Variants in MYH9 observed in about 807,000 individuals in gnomAD.
MYH9 encodes the protein myosin-9.
In MYH9, 29 loss-of-function variants were observed where a neutral mutation model predicts 241.9. That is an observed-to-expected ratio of 0.12 (90% CI 0.09 to 0.16). The LOEUF (loss-of-function observed/expected upper bound fraction) is 0.16, where lower values mean the gene tolerates loss of function less well. Among genes scored for constraint, MYH9 ranks in the 10% least tolerant of loss-of-function variants. The probability of loss-of-function intolerance (pLI) is 1.00; values close to 1 mark genes in which losing one functional copy is unlikely to be tolerated. For synonymous variants in MYH9, 1,047 were observed against 1,062.6 expected (o/e 0.99, Z 0.29); for missense variants, 1,803 against 2,595.5 (o/e 0.69, Z 6.63).
At chr22:36,333,945 G>C (rs1358809186) in intron 3 of MYH9, among the ~76,000 whole-genome samples, 2 of 152,090 alleles carry the variant, frequency 1.3e-5, no homozygotes, top group Non-Finnish European at 1.5e-5. Context: ...TTTATTTCAG[G>C]GGATGGGGAG....
At chr22:36,322,900 C>T (rs191405935) in intron 5 of MYH9, among the ~76,000 whole-genome samples, 1 of 152,234 alleles carries the variant, frequency 6.6e-6, no homozygotes, top group South Asian at 2.1e-4. Flanking sequence ...ACCAGCTTCC[C>T]TCTACCTCCT....
chr22:36,291,062 G>T (rs1456491940), intron 31 of MYH9, among the ~76,000 whole-genome samples: 1 of 148,152 alleles, frequency 6.7e-6, no homozygotes, highest in African/African-American at 2.5e-5. Context: ...AGGTGGGGGG[G>T]TCAGCCCCCC....
intron 1 of MYH9, among the ~76,000 whole-genome samples, chr22:36,360,570 G>A (rs959395982): frequency 2.2e-4 from 34 of 151,958 alleles, no homozygotes; most frequent in Non-Finnish European, 4.0e-4. Flanking sequence ...AAAATTAGCC[G>A]GGCATGGTGG....
At chr22:36,313,004 C>T (rs543469164) in intron 13 of MYH9, among the ~76,000 whole-genome samples, 3 of 149,678 alleles carry the variant, frequency 2.0e-5, no homozygotes, top group East Asian at 2.0e-4. Context: ...GCAGGAGAAT[C>T]GCTTCAAACA....
At chr22:36,368,698 C>A (rs2018046608) in intron 1 of MYH9, among the ~76,000 whole-genome samples, 1 of 152,082 alleles carries the variant, frequency 6.6e-6, no homozygotes, top group Non-Finnish European at 1.5e-5. Context: ...CCCACCCTTA[C>A]CCCTCCCAGC....
chr22:36,367,787 C>T (rs1371014336), intron 1 of MYH9, among the ~76,000 whole-genome samples: 4 of 152,232 alleles, frequency 2.6e-5, no homozygotes, highest in South Asian at 4.1e-4. Context: ...GAAGCAGCAG[C>T]GGCCCCTGCT....
intron 39 of MYH9, 25 bp downstream of exon 39, chr22:36,284,378 C>G: frequency 6.2e-7 from 1 of 1,610,356 alleles, no homozygotes. Flanking sequence ...CGCTGCCCTT[C>G]TCACTGCCCC....
intron 1 of MYH9, among the ~76,000 whole-genome samples, chr22:36,374,998 G>C (rs577939170): frequency 1.3e-5 from 2 of 152,140 alleles, no homozygotes; most frequent in Non-Finnish European, 2.9e-5. Flanking sequence ...CCTTCTCCCT[G>C]GGTTTCCAGC....
chr22:36,302,386 G>T, intron 20 of MYH9, 182 bp downstream of exon 20: 1 of 578,912 alleles, frequency 1.7e-6, no homozygotes, highest in Non-Finnish European at 3.2e-6. Context: ...AGTGGCTCAT[G>T]CCTGTAATTC....
intron 1 of MYH9, among the ~76,000 whole-genome samples, chr22:36,354,960 C>CA (rs1038907864): frequency 1.5e-5 from 2 of 136,776 alleles, no homozygotes; most frequent in Non-Finnish European, 3.2e-5. Context: ...AAACAAAACA[C>CA]ACACACACAC....
chr22:36,356,017 C>T (rs1239027845), intron 1 of MYH9, among the ~76,000 whole-genome samples: 1 of 152,182 alleles, frequency 6.6e-6, no homozygotes, highest in Non-Finnish European at 1.5e-5. Context: ...GTTCTCTGTG[C>T]CCAGTCTGCC....
At chr22:36,310,743 C>T (rs1682852430) in intron 14 of MYH9, among the ~76,000 whole-genome samples, 1 of 151,788 alleles carries the variant, frequency 6.6e-6, no homozygotes, top group East Asian at 2.0e-4. Flanking sequence ...TTGATGCCAT[C>T]GTGCAGGCCC....
chr22:36,377,416 C>CT (rs2018185712), intron 1 of MYH9, among the ~76,000 whole-genome samples: 1 of 151,080 alleles, frequency 6.6e-6, no homozygotes, highest in Non-Finnish European at 1.5e-5. Flanking sequence ...AACAGCCTTT[C>CT]TAAAAAAAAA....
chr22:36,324,997 C>T (rs1268206510), intron 5 of MYH9: 1 of 718,784 alleles, frequency 1.4e-6, no homozygotes, highest in East Asian at 2.6e-5. Flanking sequence ...TGTCACCCTC[C>T]CAAGAACCAG....
In MYH9 at chr22:36,300,921, C is replaced by T. The variant is rs1165284857; in HGVS notation, c.2768G>A (p.Arg923Lys). 4 of 1,608,922 alleles carry T rather than the reference C, an allele frequency of 2.5e-6. No homozygotes were observed. The highest frequency in any genetic ancestry group is 1.3e-5 in the African/African-American group (1 of 74,930). Residue 923 changes from arginine to lysine, a missense_variant, in exon 22 of 41, where the codon AGG becomes AAG. Physicochemically the swap from Arg to Lys is conservative, Grantham distance 26. Around this residue, in one of 11 missense-constraint regions of MYH9, gnomAD observed 290 missense variants for 360.5 expected, o/e 0.80. Coordinates refer to ENST00000216181, the MANE Select transcript of MYH9 (RefSeq NM_002473.6). This position sits in a 1 kb window ranked among gnomAD's most constrained non-coding sequence, Gnocchi z 5.0. ...GCAGCGCTCCTCCTCCTCCTCCACCCTGGCCTCTAGGTCATGGCAGATCTC... is the reference window on the plus strand; with the variant it reads ...GCAGCGCTCCTCCTCCTCCTCCACCTTGGCCTCTAGGTCATGGCAGATCTC... The part of the protein sequence containing the change: ...LEEICHDLEA[R>K]VEEEEERCQH...
At chr22:36,370,709 C>T (rs556675018) in intron 1 of MYH9, among the ~76,000 whole-genome samples, 9 of 152,350 alleles carry the variant, frequency 5.9e-5, no homozygotes, top group African/African-American at 2.2e-4. Context: ...CTCACAGGCA[C>T]TGGGCAGAAG....
chr22:36,374,998 G>A lies in MYH9; in HGVS notation c.-20+12809C>T, dbSNP rs577939170. ...TCAGACTCCCCCCTGCCTTCTCCCT[G>A]GGTTTCCAGCATCGGTATCTGGTGG... On this transcript the variant is annotated intron_variant, in intron 1 of 40. Transcript: ENST00000216181. Among the ~76,000 whole-genome samples the A allele has an allele frequency of 2.6e-5, 4 of 152,258 alleles. No individual in the cohort carries two copies. The East Asian group carries it at 5.8e-4, about 22-fold the overall frequency.
rs777123889 is a variant in MYH9 at position 36,286,756 on chromosome 22, G to C, written c.5023C>G (p.Leu1675Val). ...ATCATCTCGGCCTCCATGCTCTTCA[G>C]CTTCTTCTCGTTCTCTTTGGCCTGG... ...LAQAKENEKK[L>V]KSMEAEMIQL... Residue 1675 changes from leucine to valine, a missense_variant, in exon 35 of 41, where the codon CTG (leucine) becomes GTG (valine). By Grantham distance (32) the Leu-to-Val change is conservative. This residue lies in a region of MYH9 where 876 missense variants were observed against 1,077.8 expected (regional missense o/e 0.81). Coordinates refer to ENST00000216181, the MANE Select transcript of MYH9 (RefSeq NM_002473.6). The C allele has an allele frequency of 6.2e-7, 1 of 1,613,220 alleles. No homozygotes were observed. The highest frequency in any genetic ancestry group is 8.5e-7 in the Non-Finnish European group (1 of 1,180,038).
At chr22:36,310,844 T>C (rs2017051515) in intron 14 of MYH9, among the ~76,000 whole-genome samples, 1 of 152,226 alleles carries the variant, frequency 6.6e-6, no homozygotes, top group East Asian at 1.9e-4. Flanking sequence ...CTGATGAGCG[T>C]GTGCGTTTCC....
Sources: gnomAD v4.1 joint callset for allele counts (sites outside exome capture counted in the v4.1 genomes callset) on GRCh38, gnomAD v4.1.1 for gene constraint, gnomAD v4.1.1 regional missense constraint, Gnocchi (gnomAD v3.1) non-coding constraint, MANE v1.5 for transcripts, NCBI Gene and HGNC (gene_info 2026-07-23, HGNC 2026-07-21) for gene names.